The following GCNT1 variants were observed in gnomAD, a reference collection of about 807,000 sequenced individuals.
The protein encoded by GCNT1 is glucosaminyl (N-acetyl) transferase 1, also known as beta-1,3-galactosyl-O-glycosyl-glycoprotein beta-1,6-N-acetylglucosaminyltransferase.
A neutral mutation model predicts 26.2 loss-of-function variants in GCNT1; 16 were observed. That is an observed-to-expected ratio of 0.61 (90% CI 0.41 to 0.93). The LOEUF (loss-of-function observed/expected upper bound fraction) is 0.93. Among genes scored for constraint, GCNT1 ranks in the 40% least tolerant of loss-of-function variants. The pLI, the probability that GCNT1 is intolerant of heterozygous loss-of-function variation, is 0.00. For synonymous variants in GCNT1, 183 were observed against 190.8 expected, an observed-to-expected ratio of 0.96 and a Z score of 0.34; for missense variants, 477 against 526.7, an observed-to-expected ratio of 0.91 and a Z score of 0.92.
At chr9:76,478,030 T>TCAGC (rs1239585043) in intron 2 of GCNT1, among the ~76,000 whole-genome samples, 1 of 152,156 alleles carries the variant, frequency 6.6e-6, no homozygotes, top group Non-Finnish European at 1.5e-5. Flanking sequence ...AATGCACCAA[T>TCAGC]CAGCGCTTTG....
At chr9:76,419,527 G>A (rs1207848215), upstream of GCNT1, among the ~76,000 whole-genome samples, 1 of 152,124 alleles carries the variant, frequency 6.6e-6, no homozygotes, top group African/African-American at 2.4e-5. Flanking sequence ...CAGGCATGGG[G>A]TGTGGCTGTA....
intron 2 of GCNT1, among the ~76,000 whole-genome samples, chr9:76,472,345 T>A (rs1482338487): frequency 6.6e-6 from 1 of 152,184 alleles, no homozygotes; most frequent in African/African-American, 2.4e-5. Flanking sequence ...ATGTCAGATG[T>A]CTCTTTTGGG....
At chr9:76,480,717 T>A (rs1194784505) in intron 2 of GCNT1, among the ~76,000 whole-genome samples, 1 of 152,148 alleles carries the variant, frequency 6.6e-6, no homozygotes, top group East Asian at 1.9e-4. Flanking sequence ...GTTATTTAAA[T>A]GACATTTTGT....
chr9:76,401,730 T>A, the GCNT1 span, among the ~76,000 whole-genome samples: 2 of 152,102 alleles, frequency 1.3e-5, no homozygotes, highest in Non-Finnish European at 2.9e-5. Flanking sequence ...TTATATAAAC[T>A]TCAATAAAGA....
the GCNT1 span, among the ~76,000 whole-genome samples, chr9:76,411,697 C>CTTTTTTTT: frequency 2.6e-4 from 22 of 83,648 alleles, 2 homozygotes; most frequent in African/African-American, 6.5e-4. Context: ...ATCAATTATA[C>CTTTTTTTT]TTTTTTTTTT....
intron 1 of GCNT1, among the ~76,000 whole-genome samples, chr9:76,445,509 T>TC (rs1300452741): frequency 6.6e-6 from 1 of 152,044 alleles, no homozygotes; most frequent in East Asian, 1.9e-4. Context: ...TCCCTCAGCC[T>TC]CCCGAGTAGC....
At chr9:76,427,418 G>C (rs1339886196) in intron 1 of GCNT1, among the ~76,000 whole-genome samples, 1 of 152,050 alleles carries the variant, frequency 6.6e-6, no homozygotes, top group African/African-American at 2.4e-5. Context: ...GGGCTCAAGC[G>C]ATCTGCCCGC....
the GCNT1 span, among the ~76,000 whole-genome samples, chr9:76,409,176 C>T: frequency 6.5e-4 from 99 of 152,038 alleles, no homozygotes; most frequent in East Asian, 7.5e-3. Flanking sequence ...TGAGTTTTGG[C>T]GAACGTGTCT....
chr9:76,395,455 C>T, the GCNT1 span, among the ~76,000 whole-genome samples: 1,530 of 152,184 alleles, frequency 0.01, 18 homozygotes, highest in African/African-American at 0.03. Flanking sequence ...GGCTTGGTGG[C>T]TCACGCCTGT....
intron 2 of GCNT1, among the ~76,000 whole-genome samples, chr9:76,478,847 A>G (rs1170719889): frequency 6.6e-6 from 1 of 152,238 alleles, no homozygotes; most frequent in Non-Finnish European, 1.5e-5. Context: ...TATTTCTAGC[A>G]ATACATTTTA....
chr9:76,497,271 C>A (rs553418157), intron 2 of GCNT1, among the ~76,000 whole-genome samples: 1 of 152,252 alleles, frequency 6.6e-6, no homozygotes, highest in African/African-American at 2.4e-5. Context: ...AGCATGTGCG[C>A]ATTTTTACTT....
chr9:76,465,157 T>G (rs1241365849), intron 2 of GCNT1, among the ~76,000 whole-genome samples: 4 of 150,362 alleles, frequency 2.7e-5, no homozygotes, highest in Non-Finnish European at 5.9e-5. Context: ...TGATTTGAGT[T>G]TTTTTTTTTT....
intron 2 of GCNT1, among the ~76,000 whole-genome samples, chr9:76,462,697 G>C (rs1823899944): frequency 6.6e-6 from 1 of 152,132 alleles, no homozygotes; most frequent in South Asian, 2.1e-4. Context: ...AACTCTTCAG[G>C]ACTAGAGAAG....
upstream of GCNT1, among the ~76,000 whole-genome samples, chr9:76,454,517 T>C (rs191721289): frequency 7.1e-4 from 107 of 151,098 alleles, no homozygotes; most frequent in East Asian, 0.019. Context: ...TGGGAGGGGA[T>C]GTGATATGGT....
At chr9:76,439,193 A>G (rs1823447590), upstream of GCNT1, among the ~76,000 whole-genome samples, 1 of 151,222 alleles carries the variant, frequency 6.6e-6, no homozygotes, top group African/African-American at 2.4e-5. Context: ...TCTGATGTGC[A>G]GTCAGCAATC....
intron 1 of GCNT1, among the ~76,000 whole-genome samples, chr9:76,434,212 G>A (rs553147197): frequency 1.6e-4 from 25 of 152,274 alleles, no homozygotes; most frequent in Non-Finnish European, 3.1e-4. Context: ...GTCTTGGAAC[G>A]TATCTCCTGT....
rs769118676 is a variant in GCNT1, at chr9:76,502,539, C to G, written c.158C>G (p.Pro53Arg). The change falls in exon 4 of 4, where the codon CCT becomes CGT. Residue 53 changes from proline (P) to arginine (R), a missense_variant. Transcript: ENST00000376730. ...VRHLELAGEN[P>R]SSDINCTKVL... ...CACTTGGAGCTTGCTGGGGAGAATCCTAGTAGTGATATTAATTGCACCAAA... is the reference window on the plus strand; with the variant it reads ...CACTTGGAGCTTGCTGGGGAGAATCGTAGTAGTGATATTAATTGCACCAAA... 1 of 1,613,930 alleles carries G rather than the reference C, an allele frequency of 6.2e-7. No homozygotes were observed. Among genetic ancestry groups the G allele is most frequent in the Non-Finnish European group, 8.5e-7 (1 of 1,179,934 alleles).
intron 1 of GCNT1, among the ~76,000 whole-genome samples, chr9:76,421,002 C>T (rs1244700521): frequency 7.0e-6 from 1 of 142,546 alleles, no homozygotes; most frequent in Non-Finnish European, 1.5e-5. Flanking sequence ...TCAAAACAAA[C>T]AAATGAAAAA....
At chr9:76,403,599 G>A in the GCNT1 span, among the ~76,000 whole-genome samples, 6 of 152,186 alleles carry the variant, frequency 3.9e-5, no homozygotes, top group African/African-American at 1.2e-4. Flanking sequence ...TGCTAGACAC[G>A]GGAGGATTCT....
Sources: allele counts gnomAD v4.1 joint callset (sites outside exome capture counted in the v4.1 genomes callset), GRCh38; gene constraint gnomAD v4.1.1; transcripts MANE v1.5; gene names NCBI Gene and HGNC (gene_info 2026-07-23, HGNC 2026-07-21).